The following EIPR1 variants were observed in gnomAD, a reference collection of about 807,000 sequenced individuals.
EIPR1 encodes EARP complex and GARP complex interacting protein 1.
EIPR1 carries 25 observed loss-of-function variants against 48.1 expected under a neutral mutation model. The observed-to-expected ratio is 0.52, with a 90% CI of 0.38 to 0.73. EIPR1 has a LOEUF of 0.73. Ranked by LOEUF, EIPR1 falls within the 30% of genes least tolerant of loss-of-function variation. The pLI is 0.00. For synonymous variants in EIPR1, 204 were observed against 201.9 expected (o/e 1.01, Z -0.09); for missense variants, 415 against 506.2 (o/e 0.82, Z 1.73).
chr2:3,307,902 T>C lies in EIPR1; in HGVS notation c.259+30115A>G, dbSNP rs1056582458. On this transcript the variant is annotated intron_variant, in intron 3 of 8. Coordinates refer to ENST00000382125, the MANE Select transcript of EIPR1 (RefSeq NM_003310.5). ...ATTTGGTTATCCCAAATGATCCTAT[T>C]TGATCATGACCCATTGTATACATGT... 4.6e-5 allele frequency among the ~76,000 whole-genome samples: 7 copies of C among 152,230 alleles called. 1 individual carries two copies. The highest frequency in any genetic ancestry group is 7.3e-5 in the Non-Finnish European group (5 of 68,040).
intron 4 of EIPR1, among the ~76,000 whole-genome samples, chr2:3,226,558 C>T (rs147309159): frequency 1.1e-3 from 169 of 152,270 alleles, no homozygotes; most frequent in African/African-American, 3.5e-3. Flanking sequence ...CCACTCTGTA[C>T]GCTGCCTTTT....
Position 3,208,972 on chromosome 2 carries a change from G to A in EIPR1, c.516+5177C>T, listed in dbSNP as rs200027812. Reference sequence around the variant, plus strand: ...GATTCTTCCCTCTAATAGGACAAGGGAAGAGCTCTCATATTATCAAGGTCG... The same window carrying A: ...GATTCTTCCCTCTAATAGGACAAGGAAAGAGCTCTCATATTATCAAGGTCG... On this transcript the variant is annotated intron_variant, in intron 5 of 8. Coordinates refer to ENST00000382125, the MANE Select transcript of EIPR1 (RefSeq NM_003310.5). 1.8e-5 allele frequency: 26 copies of A among 1,476,428 alleles called. No homozygotes were observed. In the South Asian group the frequency reaches 3.1e-4, roughly 17 times the overall value. 91.5% of individuals were successfully genotyped at this position (1,476,428 alleles called of 1,614,324 possible).
At chr2:3,369,362 A>T (rs755643013) in intron 1 of EIPR1, among the ~76,000 whole-genome samples, 62 of 152,302 alleles carry the variant, frequency 4.1e-4, no homozygotes, top group Admixed American at 8.5e-4. Context: ...TCATCTCACT[A>T]GGGAGTGCCA....
chr2:3,280,853 A>G (rs1667992673), intron 3 of EIPR1, among the ~76,000 whole-genome samples: 1 of 152,066 alleles, frequency 6.6e-6, no homozygotes, highest in South Asian at 2.1e-4. Flanking sequence ...CCCAGGTTAG[A>G]GGTCTGAGCA....
intron 3 of EIPR1, among the ~76,000 whole-genome samples, chr2:3,314,882 G>A (rs1439640529): frequency 6.6e-6 from 1 of 151,822 alleles, no homozygotes; most frequent in Admixed American, 6.6e-5. Flanking sequence ...CTGGTGACCT[G>A]CCGCTCACTC....
At chr2:3,264,373 G>A (rs1381750319) in intron 3 of EIPR1, among the ~76,000 whole-genome samples, 1 of 152,112 alleles carries the variant, frequency 6.6e-6, no homozygotes, top group African/African-American at 2.4e-5. Context: ...CCGTTCATCC[G>A]GCTCATTAGC....
chr2:3,228,462 C>T (rs979468839), intron 4 of EIPR1, among the ~76,000 whole-genome samples: 8 of 152,204 alleles, frequency 5.3e-5, no homozygotes, highest in African/African-American at 1.9e-4. Flanking sequence ...GATGCATAGG[C>T]AGAAGGGACT....
chr2:3,372,846 T>C (rs568364149), intron 1 of EIPR1, among the ~76,000 whole-genome samples: 82 of 152,132 alleles, frequency 5.4e-4, no homozygotes, highest in African/African-American at 1.7e-3. Context: ...TTCCAATCAA[T>C]AGAAAAAGAG....
At chr2:3,350,148 C>T (rs1381554660) in intron 2 of EIPR1, among the ~76,000 whole-genome samples, 3 of 136,972 alleles carry the variant, frequency 2.2e-5, no homozygotes, top group Non-Finnish European at 4.7e-5. Context: ...AAAAAAACTA[C>T]CTGATACTGG....
At chr2:3,314,607 G>T (rs894969896) in intron 3 of EIPR1, among the ~76,000 whole-genome samples, 1 of 151,808 alleles carries the variant, frequency 6.6e-6, no homozygotes, top group African/African-American at 2.4e-5. Context: ...CAGGGCCCTC[G>T]GTGGTCTCAC....
intron 3 of EIPR1, among the ~76,000 whole-genome samples, chr2:3,283,539 C>A (rs1459105607): frequency 1.5e-5 from 1 of 65,538 alleles, no homozygotes; most frequent in African/African-American, 6.2e-5. Context: ...CACGTTCACA[C>A]CCCGGCACAC....
At chr2:3,196,206 C>T (rs1305939283) in intron 6 of EIPR1, among the ~76,000 whole-genome samples, 1 of 152,210 alleles carries the variant, frequency 6.6e-6, no homozygotes, top group Admixed American at 6.5e-5. Flanking sequence ...GTTGTGCCCC[C>T]ACCCTGGAAT....
chr2:3,295,743 C>T (rs1462075824), intron 3 of EIPR1, among the ~76,000 whole-genome samples: 1 of 139,000 alleles, frequency 7.2e-6, no homozygotes, highest in Non-Finnish European at 1.6e-5. Flanking sequence ...TACACACACC[C>T]TCCATCCAGC....
intron 8 of EIPR1, among the ~76,000 whole-genome samples, chr2:3,192,095 C>T (rs940383359): frequency 1.4e-4 from 21 of 152,190 alleles, no homozygotes; most frequent in African/African-American, 5.1e-4. Flanking sequence ...GGGATATATT[C>T]GTTCTATTAT....
intron 1 of EIPR1, among the ~76,000 whole-genome samples, chr2:3,369,347 C>T (rs924303360): frequency 2.6e-5 from 4 of 152,172 alleles, no homozygotes; most frequent in Non-Finnish European, 5.9e-5. Context: ...TATGAGGTAC[C>T]GGGTTCATCT....
rs559267331 is a variant in EIPR1 at position 3,224,328 on chromosome 2, C to T, written c.417-10080G>A. 9.2e-5 allele frequency among the ~76,000 whole-genome samples: 14 copies of T among 152,324 alleles called. No individual in the cohort carries two copies. The South Asian group carries it at 1.0e-3, about 11-fold the overall frequency. Reference sequence around the variant, plus strand: ...GCTTCAACCCTGCCGTAAGAGCAACCGGCACTTACGCAGCTCCTACCATGC... The same window carrying T: ...GCTTCAACCCTGCCGTAAGAGCAACTGGCACTTACGCAGCTCCTACCATGC... On this transcript the variant is annotated intron_variant, in intron 4 of 8. Transcript: ENST00000382125.
At chr2:3,283,614 T>C (rs1329308277) in intron 3 of EIPR1, among the ~76,000 whole-genome samples, 1 of 152,194 alleles carries the variant, frequency 6.6e-6, no homozygotes. Flanking sequence ...GAGAGCCAGA[T>C]ACCAGCGAGC....
intron 1 of EIPR1, among the ~76,000 whole-genome samples, chr2:3,376,112 A>T (rs1047734051): frequency 6.6e-5 from 10 of 151,988 alleles, no homozygotes; most frequent in African/African-American, 1.9e-4. Context: ...CCATTTCTAC[A>T]AAGGAAAAAA....
chr2:3,200,058 G>A (rs1201621574), intron 5 of EIPR1, among the ~76,000 whole-genome samples: 1 of 152,090 alleles, frequency 6.6e-6, no homozygotes, highest in African/African-American at 2.4e-5. Flanking sequence ...GGTTAGGGCT[G>A]AGGTGGCACC....
Sources: allele counts gnomAD v4.1 joint callset (sites outside exome capture counted in the v4.1 genomes callset), GRCh38; gene constraint gnomAD v4.1.1; transcripts MANE v1.5; gene names NCBI Gene and HGNC (gene_info 2026-07-23, HGNC 2026-07-21).